Variants in SRGAP1 observed in about 807,000 individuals in gnomAD.
SRGAP1 encodes the protein SLIT-ROBO Rho GTPase activating protein 1.
A neutral mutation model predicts 121.9 loss-of-function variants in SRGAP1; 43 were observed. The ratio of observed to expected loss-of-function variants is 0.35; its 90% CI spans 0.28 to 0.46. The LOEUF (loss-of-function observed/expected upper bound fraction) is 0.46. Ranked by LOEUF, SRGAP1 falls within the 20% of genes least tolerant of loss-of-function variation. SRGAP1 has a pLI of 1.00. For synonymous variants in SRGAP1, 447 were observed against 485.4 expected, an observed-to-expected ratio of 0.92 and a Z score of 1.04; for missense variants, 1,102 against 1,350.9, an observed-to-expected ratio of 0.82 and a Z score of 2.89.
intron 15 of SRGAP1, among the ~76,000 whole-genome samples, chr12:64,107,888 G>T (rs1349783495): frequency 6.6e-6 from 1 of 152,134 alleles, no homozygotes; most frequent in East Asian, 1.9e-4. Context: ...TTACAAAGTG[G>T]TAGTCTTGGG....
At chr12:63,886,812 A>C (rs1267471329) in intron 1 of SRGAP1, among the ~76,000 whole-genome samples, 1 of 151,584 alleles carries the variant, frequency 6.6e-6, no homozygotes, top group Non-Finnish European at 1.5e-5. Context: ...ACTGAATTTA[A>C]ATAATTCAGA....
At chr12:63,995,064 A>G (rs1295741445) in intron 3 of SRGAP1, among the ~76,000 whole-genome samples, 1 of 152,240 alleles carries the variant, frequency 6.6e-6, no homozygotes, top group South Asian at 2.1e-4. Flanking sequence ...TAATAGAAGT[A>G]TGTAGTTTGG....
chr12:63,918,805 A>G (rs1242434464), intron 1 of SRGAP1, among the ~76,000 whole-genome samples: 1 of 152,000 alleles, frequency 6.6e-6, no homozygotes, highest in Non-Finnish European at 1.5e-5. Flanking sequence ...TATGCCGAGT[A>G]CTCTTCTAGG....
chr12:63,997,250 A>T (rs1412213713), intron 3 of SRGAP1, among the ~76,000 whole-genome samples: 1 of 152,204 alleles, frequency 6.6e-6, no homozygotes, highest in Non-Finnish European at 1.5e-5. Flanking sequence ...ACCGTCATTG[A>T]GTACAATAAC....
chr12:63,896,863 G>T (rs1592925738), intron 1 of SRGAP1, among the ~76,000 whole-genome samples: 2 of 152,294 alleles, frequency 1.3e-5, no homozygotes, highest in East Asian at 3.9e-4. Flanking sequence ...TGGAAAGAAG[G>T]TCCTATAGCC....
At chr12:63,990,192 A>G in intron 3 of SRGAP1, 120 bp downstream of exon 3, 2 of 785,474 alleles carry the variant, frequency 2.5e-6, no homozygotes, top group South Asian at 2.1e-5. Flanking sequence ...ACACAGAATA[A>G]ACAGTTAAAA....
chr12:63,951,315 C>G (rs775919635), intron 1 of SRGAP1, among the ~76,000 whole-genome samples: 2 of 151,948 alleles, frequency 1.3e-5, no homozygotes, highest in Non-Finnish European at 2.9e-5. Context: ...AGGCGCCCAC[C>G]ACCATGCCCG....
At chr12:64,125,562 A>G (rs969872903) in intron 18 of SRGAP1, among the ~76,000 whole-genome samples, 4 of 152,196 alleles carry the variant, frequency 2.6e-5, no homozygotes, top group Admixed American at 2.6e-4. Context: ...CATGTTATAA[A>G]TGGTATTAAC....
chr12:63,917,782 C>G (rs908030622), intron 1 of SRGAP1, among the ~76,000 whole-genome samples: 6 of 150,398 alleles, frequency 4.0e-5, no homozygotes, highest in African/African-American at 1.5e-4. Flanking sequence ...TTGTACACAC[C>G]AATTTCCCAC....
At chr12:63,905,973 A>C (rs1360656377) in intron 1 of SRGAP1, among the ~76,000 whole-genome samples, 4 of 152,170 alleles carry the variant, frequency 2.6e-5, no homozygotes, top group Non-Finnish European at 4.4e-5. Flanking sequence ...TGCAGCCATC[A>C]CTGCAATGCA....
chr12:63,886,363 A>G (rs1900382399), intron 1 of SRGAP1, among the ~76,000 whole-genome samples: 2 of 149,224 alleles, frequency 1.3e-5, no homozygotes, highest in Admixed American at 6.6e-5. Flanking sequence ...TGCCTGGCCA[A>G]TGAAAATAAC....
chr12:64,090,119 T>C (rs1403034051), intron 11 of SRGAP1, among the ~76,000 whole-genome samples: 1 of 152,218 alleles, frequency 6.6e-6, no homozygotes, highest in African/African-American at 2.4e-5. Flanking sequence ...TCCTTCCATG[T>C]ATTTCATTCA....
rs565015550 is a variant in SRGAP1 at position 64,032,027 on chromosome 12, A to C, written c.490-10763A>C. Among the ~76,000 whole-genome samples, 5 of 152,292 alleles carry C rather than the reference A, an allele frequency of 3.3e-5. No individual in the cohort carries two copies. In the East Asian group the frequency reaches 9.7e-4, roughly 29 times the overall value. ...ACTAGGGGCAAAATCTCAATATGCT[A>C]TGGTGTTGCAGGACTTTTCCTTAGT... On this transcript the variant is annotated intron_variant, in intron 4 of 21. Coordinates refer to ENST00000355086, the MANE Select transcript of SRGAP1 (RefSeq NM_020762.4).
chr12:64,069,879 C>T (rs758324982), intron 8 of SRGAP1, among the ~76,000 whole-genome samples: 14 of 151,930 alleles, frequency 9.2e-5, no homozygotes, highest in Non-Finnish European at 1.9e-4. Context: ...GAATTTTGTT[C>T]AAAAAACAAA....
At chr12:63,899,286 G>T (rs2136304383) in intron 1 of SRGAP1, among the ~76,000 whole-genome samples, 1 of 152,092 alleles carries the variant, frequency 6.6e-6, no homozygotes, top group South Asian at 2.1e-4. Context: ...AAAGGCAGAG[G>T]TAGGAGTGCC....
At chr12:64,017,196 G>A (rs2034426575) in intron 4 of SRGAP1, among the ~76,000 whole-genome samples, 184 bp downstream of exon 4, 1 of 152,112 alleles carries the variant, frequency 6.6e-6, no homozygotes, top group East Asian at 1.9e-4. Flanking sequence ...CCAATTTGGA[G>A]AAACTGTATT....
At chr12:63,872,591 A>C (rs1899891477) in intron 1 of SRGAP1, among the ~76,000 whole-genome samples, 1 of 152,246 alleles carries the variant, frequency 6.6e-6, no homozygotes. Context: ...ATTCTGGGTC[A>C]CTGGTTTAAA....
chr12:63,922,744 C>A (rs973893208), intron 1 of SRGAP1, among the ~76,000 whole-genome samples: 11 of 152,234 alleles, frequency 7.2e-5, no homozygotes, highest in African/African-American at 2.7e-4. Flanking sequence ...GTTTGTCTCT[C>A]CCAATGAACT....
At chr12:63,885,100 A>G (rs540165949) in intron 1 of SRGAP1, among the ~76,000 whole-genome samples, 1 of 152,024 alleles carries the variant, frequency 6.6e-6, no homozygotes, top group East Asian at 1.9e-4. Context: ...TTTTTCCTCT[A>G]CTCTCACACT....
Sources: allele counts gnomAD v4.1 joint callset (sites outside exome capture counted in the v4.1 genomes callset), GRCh38; gene constraint gnomAD v4.1.1; transcripts MANE v1.5; gene names NCBI Gene and HGNC (gene_info 2026-07-23, HGNC 2026-07-21).